SLC22A23: variants seen among roughly 807,000 people sequenced by gnomAD.
SLC22A23 encodes ion transporter protein.
In SLC22A23, 26 loss-of-function variants were observed where a neutral mutation model predicts 61.0. The observed-to-expected ratio is 0.43, with a 90% CI of 0.31 to 0.59. The LOEUF (loss-of-function observed/expected upper bound fraction) is 0.59. Among genes scored for constraint, SLC22A23 ranks in the 20% least tolerant of loss-of-function variants. The pLI, the probability that SLC22A23 is intolerant of heterozygous loss-of-function variation, is 0.11. For missense variants in SLC22A23, 796 were observed against 934.7 expected (o/e 0.85, Z 1.94); for synonymous variants, 430 against 413.9 (o/e 1.04, Z -0.47).
chr6:3,307,549 C>G (rs73352961), intron 4 of SLC22A23, among the ~76,000 whole-genome samples: 2,667 of 152,364 alleles, frequency 0.018, 69 homozygotes, highest in African/African-American at 0.06. Context: ...GGATGTTCCA[C>G]TGCAGGATAG....
In SLC22A23 at chr6:3,329,401, G is replaced by A. The variant is rs1763459152; in HGVS notation, c.914-5399C>T. On this transcript the variant is annotated intron_variant, in intron 3 of 9. Coordinates refer to ENST00000406686, the MANE Select transcript of SLC22A23 (RefSeq NM_015482.2). The surrounding 1 kb of genome is among the most constrained non-coding windows in gnomAD (Gnocchi z 4.8). The stretch of plus-strand genomic sequence containing the variant: ...TTCTTGGGATTGCTAAGTGCTCCTG[G>A]CTTCTCTGAAATGAGAGTACAGGAT... Among the ~76,000 whole-genome samples, 4 of 152,200 alleles carry A rather than the reference G, an allele frequency of 2.6e-5. No homozygotes were observed. Among genetic ancestry groups the A allele is most frequent in the African/African-American group, 7.2e-5 (3 of 41,434 alleles).
At chr6:3,377,947 G>A (rs1766687138) in intron 3 of SLC22A23, 1 of 152,268 alleles carries the variant, frequency 6.6e-6, no homozygotes, top group African/African-American at 2.4e-5. Context: ...AGTTCTGCCA[G>A]CCTGAGGATG....
At chr6:3,331,350 C>G (rs1763569569) in intron 3 of SLC22A23, among the ~76,000 whole-genome samples, 1 of 152,228 alleles carries the variant, frequency 6.6e-6, no homozygotes, top group Non-Finnish European at 1.5e-5. Flanking sequence ...TGACACACAC[C>G]AGAAGCTCAG....
At chr6:3,428,552 T>C (rs1315244633) in intron 1 of SLC22A23, among the ~76,000 whole-genome samples, 2 of 152,216 alleles carry the variant, frequency 1.3e-5, no homozygotes, top group Non-Finnish European at 2.9e-5. Context: ...CTCCATTCAC[T>C]ACTGATGCAG....
In SLC22A23 at chr6:3,309,718, C is replaced by T. The variant is rs1047153819; in HGVS notation, c.1083-11500G>A. Among the ~76,000 whole-genome samples the T allele has an allele frequency of 3.3e-5, 5 of 152,252 alleles. No homozygotes were observed. The highest frequency in any genetic ancestry group is 1.2e-4 in the African/African-American group (5 of 41,466). Reference sequence around the variant, plus strand: ...CACATGCTTCTGAAGGGTTACACCACGGTCACACAGAAGTACCTGCTGCCA... The same window carrying T: ...CACATGCTTCTGAAGGGTTACACCATGGTCACACAGAAGTACCTGCTGCCA... On this transcript the variant is annotated intron_variant, in intron 4 of 9. Coordinates refer to ENST00000406686, the MANE Select transcript of SLC22A23 (RefSeq NM_015482.2). This position sits in a 1 kb window ranked among gnomAD's most constrained non-coding sequence, Gnocchi z 4.7.
At chr6:3,278,670 G>A (rs1375111291) in intron 9 of SLC22A23, among the ~76,000 whole-genome samples, 1 of 152,178 alleles carries the variant, frequency 6.6e-6, no homozygotes, top group Non-Finnish European at 1.5e-5. Flanking sequence ...AGACAACCAC[G>A]GAAATGAGCA....
chr6:3,374,025 G>T (rs1389173141), intron 3 of SLC22A23, among the ~76,000 whole-genome samples: 1 of 152,178 alleles, frequency 6.6e-6, no homozygotes, highest in Non-Finnish European at 1.5e-5. Flanking sequence ...ATCTGCCCAA[G>T]GTCACAAGGC....
chr6:3,314,624 G>A (rs544982445), intron 4 of SLC22A23, among the ~76,000 whole-genome samples: 92 of 152,156 alleles, frequency 6.0e-4, no homozygotes, highest in African/African-American at 2.1e-3. Flanking sequence ...ATATTTTAAA[G>A]AGCCAAAAAA....
At chr6:3,351,238 A>G (rs1210254447) in intron 3 of SLC22A23, among the ~76,000 whole-genome samples, 1 of 152,204 alleles carries the variant, frequency 6.6e-6, no homozygotes, top group African/African-American at 2.4e-5. Context: ...TGTGAGGCTC[A>G]GGCAGGATGG....
Position 3,405,389 on chromosome 6 carries a change from G to A in SLC22A23, c.913+4799C>T, listed in dbSNP as rs554213542. On this transcript the variant is annotated intron_variant, in intron 3 of 9. Coordinates refer to ENST00000406686, the MANE Select transcript of SLC22A23 (RefSeq NM_015482.2). ...GGGCTTTTTGCCCTGAGAACTTGCTGCTACTGGGAAGGCCCACGTATCTGA... is the reference window on the plus strand; with the variant it reads ...GGGCTTTTTGCCCTGAGAACTTGCTACTACTGGGAAGGCCCACGTATCTGA... Among the ~76,000 whole-genome samples, 183 of 152,292 alleles carry A rather than the reference G, an allele frequency of 1.2e-3. 2 individuals are homozygous for A. The highest frequency in any genetic ancestry group is 4.3e-3 in the African/African-American group (177 of 41,556).
chr6:3,320,298 G>C (rs1762873363), intron 4 of SLC22A23, among the ~76,000 whole-genome samples: 1 of 152,120 alleles, frequency 6.6e-6, no homozygotes, highest in Admixed American at 6.5e-5. Flanking sequence ...GTCCCTGTCT[G>C]TTCAGTCTAC....
intron 4 of SLC22A23, 94 bp from the exon 5 acceptor site, chr6:3,298,312 G>T: frequency 6.9e-7 from 1 of 1,447,612 alleles, no homozygotes; most frequent in Non-Finnish European, 9.2e-7. Flanking sequence ...TTCCCAGGCA[G>T]GTGGCGGTCA....
Position 3,286,853 on chromosome 6 carries a change from A to G in SLC22A23, c.1546+6T>C, listed in dbSNP as rs773389064. On this transcript the variant is annotated splice_donor_region_variant and intron_variant, in intron 7 of 9. Coordinates refer to ENST00000406686, the MANE Select transcript of SLC22A23 (RefSeq NM_015482.2). This position sits in a 1 kb window ranked among gnomAD's most constrained non-coding sequence, Gnocchi z 4.2. ...TGCACCCAGCCCACCTCCCCGACCC[A>G]CTCACGGTTGAGGAGGCCGAGCTGC... 1 of 1,585,238 alleles carries G rather than the reference A, an allele frequency of 6.3e-7. No homozygotes were observed. Among genetic ancestry groups the G allele is most frequent in the Non-Finnish European group, 8.6e-7 (1 of 1,166,144 alleles).
intron 3 of SLC22A23, among the ~76,000 whole-genome samples, chr6:3,367,513 C>T (rs1288946408): frequency 1.3e-5 from 2 of 152,144 alleles, no homozygotes; most frequent in Non-Finnish European, 1.5e-5. Flanking sequence ...GCAGCCTGGT[C>T]GTGACTGAGA....
At chr6:3,299,286 A>AT (rs1344834159) in intron 4 of SLC22A23, among the ~76,000 whole-genome samples, 1 of 152,224 alleles carries the variant, frequency 6.6e-6, no homozygotes, top group Non-Finnish European at 1.5e-5. Flanking sequence ...ATTTTGTTGT[A>AT]TTTTGTCACA....
chr6:3,362,193 C>T (rs1227318666), intron 3 of SLC22A23, among the ~76,000 whole-genome samples: 1 of 151,592 alleles, frequency 6.6e-6, no homozygotes, highest in East Asian at 1.9e-4. Context: ...TGCCTGAGCT[C>T]AGGAGTTCGA....
chr6:3,431,266 T>C (rs1770846935), intron 1 of SLC22A23, among the ~76,000 whole-genome samples: 1 of 152,238 alleles, frequency 6.6e-6, no homozygotes, highest in Non-Finnish European at 1.5e-5. Flanking sequence ...TAATCAGGAC[T>C]AGACTTAAAA....
At position 3,289,753 on chromosome 6, in the gene SLC22A23, CTG is replaced by C. The variant is rs755815358; in HGVS notation, c.1313+9_1313+10del. On this transcript the variant is annotated intron_variant, in intron 6 of 9. Coordinates refer to ENST00000406686, the MANE Select transcript of SLC22A23 (RefSeq NM_015482.2). ...CTCCCACCCAGCTGGCACTTGTCCT[CTG>C]TGACTCACGAGTTCACACACAGGAC... is the stretch of plus-strand genomic sequence containing the variant. The C allele has an allele frequency of 6.2e-6, 10 of 1,611,418 alleles. No homozygotes were observed. In the Admixed American group the frequency reaches 1.7e-4, roughly 27 times the overall value.
intron 8 of SLC22A23, chr6:3,284,878 C>G: frequency 2.0e-6 from 3 of 1,531,306 alleles, no homozygotes; most frequent in Non-Finnish European, 2.6e-6. Context: ...AGGGAAGCAC[C>G]AGTCGCTCTT....
Sources: allele counts gnomAD v4.1 joint callset (sites outside exome capture counted in the v4.1 genomes callset), GRCh38; gene constraint gnomAD v4.1.1; non-coding constraint Gnocchi (gnomAD v3.1); transcripts MANE v1.5; gene names NCBI Gene and HGNC (gene_info 2026-07-23, HGNC 2026-07-21).